Variants in PHKB observed in about 807,000 individuals in gnomAD.
The protein encoded by PHKB is phosphorylase kinase regulatory subunit beta, also known as phosphorylase b kinase regulatory subunit beta.
A neutral mutation model predicts 152.1 loss-of-function variants in PHKB; 122 were observed. The observed-to-expected ratio is 0.80, with a 90% confidence interval of 0.69 to 0.93. PHKB has a LOEUF of 0.93. Ranked by LOEUF, PHKB falls within the 40% of genes least tolerant of loss-of-function variation. The pLI is 0.00. For synonymous variants in PHKB, 436 were observed against 464.9 expected, an observed-to-expected ratio of 0.94 and a Z score of 0.80; for missense variants, 1,304 against 1,328.4, an observed-to-expected ratio of 0.98 and a Z score of 0.29.
chr16:47,637,154 C>T (rs1440333063), intron 14 of PHKB, among the ~76,000 whole-genome samples: 1 of 152,142 alleles, frequency 6.6e-6, no homozygotes, highest in Non-Finnish European at 1.5e-5. Flanking sequence ...GCTGGACACT[C>T]ATCGGAATGG....
chr16:47,611,550 G>A lies in PHKB; in HGVS notation c.1458+630G>A, dbSNP rs373786066. ...AGAAAGGGAATGAACCTGCATGTGTGCCTGGGATTCTAAGCAGTTAACATG... is the reference window on the plus strand; with the variant it reads ...AGAAAGGGAATGAACCTGCATGTGTACCTGGGATTCTAAGCAGTTAACATG... On this transcript the variant is annotated intron_variant, in intron 14 of 30. Transcript: ENST00000323584. Among the ~76,000 whole-genome samples, 9 of 152,240 alleles carry A rather than the reference G, an allele frequency of 5.9e-5. No homozygotes were observed. In the East Asian group the frequency reaches 9.6e-4, roughly 16 times the overall value.
chr16:47,584,979 C>A (rs1278548997), intron 8 of PHKB, among the ~76,000 whole-genome samples: 1 of 152,184 alleles, frequency 6.6e-6, no homozygotes, highest in Non-Finnish European at 1.5e-5. Flanking sequence ...GGGACTGTCT[C>A]AAAAGTGGTT....
At chr16:47,552,528 G>A (rs1246355614) in intron 7 of PHKB, among the ~76,000 whole-genome samples, 1 of 152,102 alleles carries the variant, frequency 6.6e-6, no homozygotes, top group Non-Finnish European at 1.5e-5. Context: ...CTTTAAGAAT[G>A]TTGAGGCCGT....
At chr16:47,551,970 G>A (rs1971279528) in intron 7 of PHKB, among the ~76,000 whole-genome samples, 2 of 152,056 alleles carry the variant, frequency 1.3e-5, no homozygotes, top group Admixed American at 6.6e-5. Flanking sequence ...TTATGTAATG[G>A]CCTTCTTTGT....
chr16:47,536,518 A>G (rs1970955552), intron 6 of PHKB, among the ~76,000 whole-genome samples: 1 of 152,198 alleles, frequency 6.6e-6, no homozygotes, highest in African/African-American at 2.4e-5. Context: ...TTAGAACCAA[A>G]TATGTTTTCG....
chr16:47,662,740 CTATAAG>C (rs1379896651), intron 23 of PHKB, among the ~76,000 whole-genome samples: 2 of 152,044 alleles, frequency 1.3e-5, no homozygotes, highest in Non-Finnish European at 2.9e-5. Context: ...AGTCTTAAAA[CTATAAG>C]TATAAGCAGA....
intron 26 of PHKB, among the ~76,000 whole-genome samples, chr16:47,684,427 A>G (rs953053947): frequency 1.6e-4 from 24 of 152,200 alleles, no homozygotes; most frequent in Non-Finnish European, 2.6e-4. Flanking sequence ...TATATCGGAA[A>G]GAAACATGCC....
Position 47,641,632 on chromosome 16 carries a change from A to T in PHKB, c.1548A>T (p.Gln516His), listed in dbSNP as rs996846426. Reference protein sequence around the residue: ...LQVFLNTYGIQTQTPQQVEPI... With the variant: ...LQVFLNTYGIHTQTPQQVEPI... ...TTTTTCTGAACACATATGGTATTCA[A>T]ACTCAAACTCCTCAACAAGTAGAAC... Residue 516 changes from glutamine (Q) to histidine (H), a missense_variant, in exon 16 of 31, where the codon CAA becomes CAT. By Grantham distance (24) the Gln-to-His change is conservative (BLOSUM62 0). Transcript: ENST00000323584. 11 of 1,605,692 alleles carry T rather than the reference A, an allele frequency of 6.9e-6. No individual in the cohort carries two copies. The highest frequency in any genetic ancestry group is 1.3e-5 in the African/African-American group (1 of 74,752).
chr16:47,698,354 A>G (rs1974187197), intron 29 of PHKB, 94 bp from the exon 30 acceptor site: 2 of 941,586 alleles, frequency 2.1e-6, no homozygotes. Context: ...ATCATATAGA[A>G]TATCCTTTGG....
At chr16:47,529,926 A>G (rs1970832356) in intron 6 of PHKB, 1 of 152,168 alleles carries the variant, frequency 6.6e-6, no homozygotes, top group Non-Finnish European at 1.5e-5. Flanking sequence ...ATTAAGGAAG[A>G]AAGAAAAACC....
At chr16:47,684,683 C>T (rs924083166) in intron 26 of PHKB, among the ~76,000 whole-genome samples, 2 of 151,932 alleles carry the variant, frequency 1.3e-5, no homozygotes, top group Non-Finnish European at 2.9e-5. Context: ...AGGAGAATGG[C>T]GTGAGCCCGG....
intron 1 of PHKB, among the ~76,000 whole-genome samples, chr16:47,478,740 A>G (rs1969914024): frequency 6.6e-6 from 1 of 152,124 alleles, no homozygotes; most frequent in Non-Finnish European, 1.5e-5. Context: ...GATGCTGATA[A>G]TCATACTATA....
chr16:47,669,184 G>A lies in PHKB; in HGVS notation c.2428-31G>A, dbSNP rs781556239. ...AATTTTTATCTTTTAGTAGCTAGGA[G>A]AATTTTACAATAAAATTCTGCCACT... On this transcript the variant is annotated intron_variant, in intron 25 of 30. Coordinates refer to ENST00000323584, the MANE Select transcript of PHKB (RefSeq NM_000293.3). The A allele has an allele frequency of 3.2e-6, 5 of 1,560,482 alleles. No homozygotes were observed. In the East Asian group the frequency reaches 1.1e-4, roughly 35 times the overall value.
chr16:47,671,870 A>G (rs991715832), intron 26 of PHKB, among the ~76,000 whole-genome samples: 8 of 152,162 alleles, frequency 5.3e-5, no homozygotes, highest in African/African-American at 1.9e-4. Context: ...AGTGAACAAG[A>G]TAAAGTCCTA....
chr16:47,587,768 G>A lies in PHKB; in HGVS notation c.870+5G>A. The A allele has an allele frequency of 1.3e-6, 2 of 1,580,210 alleles. No individual in the cohort carries two copies. The highest frequency in any genetic ancestry group is 1.7e-6 in the Non-Finnish European group (2 of 1,149,200). The stretch of plus-strand genomic sequence containing the variant: ...CCCAGAGAATCAAGATCACATGTGA[G>A]ACATTTAATAATGATAAATTTAACA... On this transcript the variant is annotated splice_donor_5th_base_variant and intron_variant, in intron 9 of 30. Coordinates refer to ENST00000323584, the MANE Select transcript of PHKB (RefSeq NM_000293.3).
chr16:47,478,956 A>T (rs1340175429), intron 1 of PHKB, among the ~76,000 whole-genome samples: 1 of 152,208 alleles, frequency 6.6e-6, no homozygotes, highest in Non-Finnish European at 1.5e-5. Flanking sequence ...CAGATCCCTG[A>T]ATAGAGTCTG....
intron 7 of PHKB, 170 bp downstream of exon 7, chr16:47,547,718 A>G: frequency 1.7e-6 from 1 of 587,364 alleles, no homozygotes; most frequent in Non-Finnish European, 3.0e-6. Context: ...AAAAGAGCCC[A>G]TCCTCAGTAC....
chr16:47,590,733 G>A (rs973895357), intron 10 of PHKB: 3 of 150,760 alleles, frequency 2.0e-5, no homozygotes, highest in African/African-American at 7.5e-5. Flanking sequence ...CACCACTAAG[G>A]AAAGCCACAG....
chr16:47,515,639 C>A, intron 6 of PHKB, 38 bp downstream of exon 6: 1 of 850,280 alleles, frequency 1.2e-6, no homozygotes, highest in Non-Finnish European at 2.1e-6. Context: ...TAAATTTCAC[C>A]TCTGAAAATA....
Sources: allele counts gnomAD v4.1 joint callset (sites outside exome capture counted in the v4.1 genomes callset), GRCh38; gene constraint gnomAD v4.1.1; transcripts MANE v1.5; gene names NCBI Gene and HGNC (gene_info 2026-07-23, HGNC 2026-07-21).